MASP1: variants seen among roughly 807,000 people sequenced by gnomAD.
MASP1 encodes the protein MBL associated serine protease 1.
MASP1 carries 59 observed loss-of-function variants against 77.1 expected under a neutral mutation model. The ratio of observed to expected loss-of-function variants is 0.77; its 90% CI spans 0.62 to 0.95. The LOEUF is 0.95. Ranked by LOEUF, MASP1 falls within the 40% of genes least tolerant of loss-of-function variation. The pLI, the probability that MASP1 is intolerant of heterozygous loss-of-function variation, is 0.00. For synonymous variants in MASP1, 362 were observed against 354.5 expected, an observed-to-expected ratio of 1.02 and a Z score of -0.24; for missense variants, 885 against 912.9, an observed-to-expected ratio of 0.97 and a Z score of 0.39.
At chr3:187,287,820 C>G (rs1717984159) in intron 1 of MASP1, among the ~76,000 whole-genome samples, 1 of 152,114 alleles carries the variant, frequency 6.6e-6, no homozygotes, top group Non-Finnish European at 1.5e-5. Flanking sequence ...TCTCCAATAC[C>G]CAGTCTGCCC....
Position 187,244,593 on chromosome 3 carries a change from AT to A in MASP1, c.1091-973del, listed in dbSNP as rs548912605. ...GTAGGCAATCTAGAATGTCCTCTTT[AT>A]TTTATCTATGAGCCCAGAGAGGAGA... On this transcript the variant is annotated intron_variant, in intron 8 of 10. Transcript: ENST00000296280. The A allele has an allele frequency of 7.9e-5, 12 of 152,330 alleles. No homozygotes were observed. In the South Asian group the frequency reaches 2.5e-3, roughly 32 times the overall value. The allele number at this position is 152,330 out of a possible 1,614,324, so 9.4% of individuals were successfully genotyped here.
intron 8 of MASP1, chr3:187,247,233 CGG>C: frequency 7.7e-7 from 1 of 1,300,408 alleles, no homozygotes. Context: ...GAAAGGGGCA[CGG>C]GGGTGTTGTG....
chr3:187,271,876 A>C (rs1272783278), intron 2 of MASP1, among the ~76,000 whole-genome samples: 2 of 152,124 alleles, frequency 1.3e-5, no homozygotes, highest in African/African-American at 2.4e-5. Flanking sequence ...ACTCCTCAGC[A>C]CTCTGTCACC....
Position 187,235,427 on chromosome 3 carries a change from A to C in MASP1, c.*257T>G. ...ACAGAGGCCTTGGTTGAGCTCCTGC[A>C]TTGTATTACTCGGTAGAGTGAGGCC... On this transcript the variant is annotated 3_prime_UTR_variant, in exon 11 of 11. Coordinates refer to ENST00000296280, the MANE Select transcript of MASP1 (RefSeq NM_139125.4). 11 of 1,494,972 alleles carry C rather than the reference A, an allele frequency of 7.4e-6. No individual in the cohort carries two copies. The highest frequency in any genetic ancestry group is 8.9e-6 in the Non-Finnish European group (10 of 1,122,200). 92.6% of individuals were successfully genotyped at this position (1,494,972 alleles called of 1,614,324 possible).
chr3:187,259,841 T>A (rs1232291878), intron 4 of MASP1, among the ~76,000 whole-genome samples: 1 of 152,168 alleles, frequency 6.6e-6, no homozygotes, highest in Non-Finnish European at 1.5e-5. Context: ...AGCTTCCAAG[T>A]GAGATTTCAA....
chr3:187,267,813 C>A (rs1445698540), intron 2 of MASP1, among the ~76,000 whole-genome samples: 1 of 152,222 alleles, frequency 6.6e-6, no homozygotes, highest in Non-Finnish European at 1.5e-5. Flanking sequence ...AATATTTCCA[C>A]CCATGCCAGG....
In MASP1 at chr3:187,234,727, C is replaced by T. The variant is rs932030925; in HGVS notation, c.*957G>A. On this transcript the variant is annotated 3_prime_UTR_variant, in exon 11 of 11. Coordinates refer to ENST00000296280, the MANE Select transcript of MASP1 (RefSeq NM_139125.4). ...CCCACCCCACTCTTTCTTCCATTTT[C>T]CTGCCCAAAAGCACAGCAGGACACA... The T allele has an allele frequency of 3.1e-6, 4 of 1,287,148 alleles. No individual in the cohort carries two copies. Among genetic ancestry groups the T allele is most frequent in the East Asian group, 5.5e-5 (1 of 18,030 alleles). The allele number at this position is 1,287,148 out of a possible 1,614,324, so 79.7% of individuals were successfully genotyped here. A position where few individuals can be genotyped will look rare whatever the true frequency, so the allele number is the denominator to read the frequency against.
At chr3:187,263,162 T>TGA (rs1715741462) in intron 2 of MASP1, 1 of 239,126 alleles carries the variant, frequency 4.2e-6, no homozygotes, top group African/African-American at 2.3e-5. Context: ...ATGGAGGTGA[T>TGA]GAGAGATAGA....
At chr3:187,230,068 T>C (rs758649535), downstream of MASP1, among the ~76,000 whole-genome samples, 34 of 152,222 alleles carry the variant, frequency 2.2e-4, no homozygotes, top group Non-Finnish European at 4.0e-4. Context: ...GGCTGCACTT[T>C]CCTTATTCTT....
chr3:187,246,438 G>A lies in MASP1; in HGVS notation c.1091-2817C>T, dbSNP rs114304120. On this transcript the variant is annotated intron_variant, in intron 8 of 10. Transcript: ENST00000296280. Reference sequence around the variant, plus strand: ...TCTTCTTTGGGTGGTGTCTCTAGCCGAGAATGGCACCTCAGTCTCCAGACT... The same window carrying A: ...TCTTCTTTGGGTGGTGTCTCTAGCCAAGAATGGCACCTCAGTCTCCAGACT... 273 of 985,380 alleles carry A rather than the reference G, an allele frequency of 2.8e-4. 1 individual carries two copies. The African/African-American group carries it at 4.4e-3, about 16-fold the overall frequency. 61.0% of individuals were successfully genotyped at this position (985,380 alleles called of 1,614,324 possible). A position where few individuals can be genotyped will look rare whatever the true frequency, so the allele number is the denominator to read the frequency against.
exon 15 of MASP1, chr3:187,221,093 A>G (rs1207983920): frequency 6.2e-7 from 1 of 1,614,160 alleles, no homozygotes; most frequent in Non-Finnish European, 8.5e-7. Flanking sequence ...GCGGGGCATA[A>G]GCCTTCTGGC....
At chr3:187,220,492 C>CTTTTTTTTTTTTTTTTTTTTTTTTTT (rs747532550) in intron 15 of MASP1, among the ~76,000 whole-genome samples, 1 of 134,562 alleles carries the variant, frequency 7.4e-6, no homozygotes, top group Non-Finnish European at 1.5e-5. Context: ...TTTCTTTTTT[C>CTTTTTTTTTTTTTTTTTTTTTTTTTT]TTTCTTTTTT....
intron 7 of MASP1, chr3:187,251,433 C>G (rs1016035078): frequency 2.0e-5 from 9 of 440,386 alleles, no homozygotes; most frequent in Non-Finnish European, 3.7e-5. Context: ...AAAAAACAAA[C>G]TTTTGTGCCA....
chr3:187,290,844 G>A (rs965097834), intron 1 of MASP1, among the ~76,000 whole-genome samples: 6 of 151,946 alleles, frequency 3.9e-5, no homozygotes, highest in African/African-American at 1.5e-4. Context: ...TAGGGTGGTT[G>A]GGTTTTCAGA....
chr3:187,243,854 A>G (rs550110235), intron 8 of MASP1: 1 of 573,970 alleles, frequency 1.7e-6, no homozygotes, highest in East Asian at 3.1e-5. Context: ...TGTGTGGTCA[A>G]CTCACCTGCC....
chr3:187,291,229 C>A, intron 1 of MASP1: 1 of 334,954 alleles, frequency 3.0e-6, no homozygotes, highest in South Asian at 2.8e-5. Flanking sequence ...AACACACAAA[C>A]ACATATCTAA....
chr3:187,266,893 A>G (rs910721707), intron 2 of MASP1, among the ~76,000 whole-genome samples: 1 of 152,124 alleles, frequency 6.6e-6, no homozygotes, highest in African/African-American at 2.4e-5. Context: ...CAGCTACTCT[A>G]TGGAAGAACA....
At chr3:187,247,348 C>T (rs1305894436) in intron 8 of MASP1, 8 of 1,613,914 alleles carry the variant, frequency 5.0e-6, no homozygotes, top group African/African-American at 1.3e-5. Flanking sequence ...CTGTCACTTG[C>T]TCTGACTTGA....
Position 187,235,565 on chromosome 3 carries a change from A to G in MASP1, c.*119T>C, listed in dbSNP as rs138232923. On this transcript the variant is annotated 3_prime_UTR_variant, in exon 11 of 11. Coordinates refer to ENST00000296280, the MANE Select transcript of MASP1 (RefSeq NM_139125.4). ...TCCTGGGGGCTGTCTCGGTAGGAGA[A>G]GCCACCGCTAGGTCAGTGTGTTCCA... The G allele has an allele frequency of 3.0e-4, 467 of 1,560,396 alleles. 2 individuals carry two copies. In the East Asian group the frequency reaches 7.9e-3, roughly 26 times the overall value.
Sources: allele counts gnomAD v4.1 joint callset (sites outside exome capture counted in the v4.1 genomes callset), GRCh38; gene constraint gnomAD v4.1.1; transcripts MANE v1.5; gene names NCBI Gene and HGNC (gene_info 2026-07-23, HGNC 2026-07-21).